Variants in CYB5R3 observed in about 807,000 individuals in gnomAD.
CYB5R3 encodes cytochrome b5 reductase 3, also known as NADH-cytochrome b5 reductase 3.
CYB5R3 carries 28 observed loss-of-function variants against 36.5 expected under a neutral mutation model. That is an observed-to-expected ratio of 0.77 (90% CI 0.57 to 1.05). CYB5R3 has a LOEUF of 1.05. CYB5R3 is among the 50% of genes least tolerant of loss of function. The pLI is 0.00. For synonymous variants in CYB5R3, 181 were observed against 159.8 expected (o/e 1.13, Z -1.00); for missense variants, 474 against 408.9 (o/e 1.16, Z -1.37).
At chr22:42,646,529 T>G in intron 1 of CYB5R3, 7 of 434,596 alleles carry the variant, frequency 1.6e-5, no homozygotes, top group Non-Finnish European at 1.8e-5. Context: ...CAGGCCAGGT[T>G]AGGGGTGGGC....
chr22:42,628,008 A>T, intron 5 of CYB5R3, 144 bp downstream of exon 5: 1 of 1,207,090 alleles, frequency 8.3e-7, no homozygotes, highest in Non-Finnish European at 1.2e-6. Flanking sequence ...AGCCAGGGAG[A>T]CTCAGTTCCC....
chr22:42,638,728 T>TCAAAAAAAAAAAAAAAAAAAAAAAAAA, intron 1 of CYB5R3, among the ~76,000 whole-genome samples: 1 of 47,520 alleles, frequency 2.1e-5, no homozygotes, highest in South Asian at 9.8e-4. Flanking sequence ...CAAGACTCCA[T>TCAAAAAAAAAAAAAAAAAAAAAAAAAA]AAAAAAAAAA....
intron 1 of CYB5R3, chr22:42,639,767 G>T: frequency 1.6e-6 from 1 of 610,254 alleles, no homozygotes; most frequent in Non-Finnish European, 2.8e-6. Context: ...TAGGGGCAAA[G>T]GGGCAACTTA....
At chr22:42,635,468 G>A (rs1374953079) in intron 2 of CYB5R3, among the ~76,000 whole-genome samples, 1 of 151,214 alleles carries the variant, frequency 6.6e-6, no homozygotes, top group African/African-American at 2.4e-5. Flanking sequence ...TTGAACTCCT[G>A]ACCTCAGGTG....
chr22:42,622,356 A>C (rs1047358783), intron 8 of CYB5R3, among the ~76,000 whole-genome samples: 3 of 151,750 alleles, frequency 2.0e-5, no homozygotes, highest in African/African-American at 7.3e-5. Context: ...ACCGCGCTAT[A>C]ATTTACTAAG....
chr22:42,622,403 G>T (rs373027350), intron 8 of CYB5R3, among the ~76,000 whole-genome samples: 1 of 152,120 alleles, frequency 6.6e-6, no homozygotes, highest in African/African-American at 2.4e-5. Context: ...TCCCCCACTG[G>T]AAGGTCAGCT....
At chr22:42,638,419 A>AAAAAAAAT (rs200373318) in intron 1 of CYB5R3, among the ~76,000 whole-genome samples, 1 of 138,410 alleles carries the variant, frequency 7.2e-6, no homozygotes, top group Non-Finnish European at 1.5e-5. Flanking sequence ...AAAAAAAAAA[A>AAAAAAAAT]GTTAGCTGGT....
intron 1 of CYB5R3, among the ~76,000 whole-genome samples, chr22:42,637,897 C>T (rs758258777): frequency 6.6e-6 from 1 of 152,196 alleles, no homozygotes; most frequent in Admixed American, 6.5e-5. Flanking sequence ...CCCTGCCACA[C>T]GGCCCTGAGG....
intron 4 of CYB5R3, among the ~76,000 whole-genome samples, chr22:42,630,500 T>G (rs1177805056): frequency 6.6e-6 from 1 of 152,226 alleles, no homozygotes; most frequent in Non-Finnish European, 1.5e-5. Flanking sequence ...CAGGGGCGTC[T>G]GTACCGCCAG....
At chr22:42,646,200 C>T (rs777733011) in intron 1 of CYB5R3, among the ~76,000 whole-genome samples, 5 of 152,158 alleles carry the variant, frequency 3.3e-5, no homozygotes, top group Non-Finnish European at 7.4e-5. Context: ...ACCTGTGCTG[C>T]GTGCACACTC....
At chr22:42,644,297 C>T (rs8190409) in intron 1 of CYB5R3, 1 of 673,436 alleles carries the variant, frequency 1.5e-6, no homozygotes, top group Non-Finnish European at 2.7e-6. Flanking sequence ...GGGTCCGAAC[C>T]AACAGGCGGC....
intron 1 of CYB5R3, among the ~76,000 whole-genome samples, chr22:42,648,773 T>C (rs1481323842): frequency 1.3e-5 from 2 of 151,960 alleles, no homozygotes; most frequent in Non-Finnish European, 2.9e-5. Context: ...CCCTCTGACA[T>C]AGTGACATCG....
chr22:42,643,463 G>A (rs1195799067), intron 1 of CYB5R3, among the ~76,000 whole-genome samples: 1 of 63,552 alleles, frequency 1.6e-5, no homozygotes, highest in East Asian at 2.9e-4. Flanking sequence ...CCCCCACCCT[G>A]CAACGGCCCA....
At chr22:42,626,543 C>T (rs1173219279) in intron 7 of CYB5R3, among the ~76,000 whole-genome samples, 8 of 152,236 alleles carry the variant, frequency 5.3e-5, no homozygotes, top group Non-Finnish European at 1.2e-4. Context: ...TCTCCCTCCA[C>T]ACCAGCCAGC....
At chr22:42,623,960 G>A (rs1028390647) in intron 7 of CYB5R3, 72 bp from the exon 8 acceptor site, 28 of 1,378,604 alleles carry the variant, frequency 2.0e-5, no homozygotes, top group East Asian at 4.6e-5. Flanking sequence ...CAACAGAGAC[G>A]CGCCTCGTCA....
At chr22:42,649,106 G>A (rs1025448899) in intron 1 of CYB5R3, among the ~76,000 whole-genome samples, 189 bp downstream of exon 1, 4 of 152,128 alleles carry the variant, frequency 2.6e-5, no homozygotes, top group Non-Finnish European at 5.9e-5. Context: ...GGCGTAAGTA[G>A]CGGTCACCAC....
intron 6 of CYB5R3, 83 bp downstream of exon 6, chr22:42,627,522 C>T (rs1928344642): frequency 6.8e-7 from 1 of 1,476,028 alleles, no homozygotes; most frequent in Non-Finnish European, 9.5e-7. Context: ...AGCTCCCAGG[C>T]ACTCAGAACC....
chr22:42,647,868 A>G (rs1929602185), intron 1 of CYB5R3, among the ~76,000 whole-genome samples: 1 of 146,318 alleles, frequency 6.8e-6, no homozygotes, highest in South Asian at 2.1e-4. Context: ...CTTCTCAAAA[A>G]AGAAAAAAGA....
At chr22:42,645,837 G>A (rs1035034918) in intron 1 of CYB5R3, among the ~76,000 whole-genome samples, 47 of 152,168 alleles carry the variant, frequency 3.1e-4, no homozygotes, top group African/African-American at 9.9e-4. Context: ...CATCACCGTC[G>A]GTCAGTCGTT....
Sources: allele counts gnomAD v4.1 joint callset (sites outside exome capture counted in the v4.1 genomes callset), GRCh38; gene constraint gnomAD v4.1.1; transcripts MANE v1.5; gene names NCBI Gene and HGNC (gene_info 2026-07-23, HGNC 2026-07-21).